Variants in CBY1 observed in about 807,000 individuals in gnomAD.
CBY1 encodes protein chibby homolog 1.
A neutral mutation model predicts 15.6 loss-of-function variants in CBY1; 10 were observed. The observed-to-expected ratio is 0.64, with a 90% confidence interval of 0.40 to 1.09. CBY1 has a LOEUF of 1.09. Among genes scored for constraint, CBY1 ranks in the 50% least tolerant of loss-of-function variants. The pLI is 0.01. For synonymous variants in CBY1, 61 were observed against 63.5 expected, an observed-to-expected ratio of 0.96 and a Z score of 0.19; for missense variants, 150 against 160.5, an observed-to-expected ratio of 0.93 and a Z score of 0.35.
chr22:38,673,598 C>T lies in CBY1; in HGVS notation c.*362C>T. ...GAAGCGGCTGGAGTTCATTCTCTCA[C>T]CCCCTTATGTTGGTGTTTGGCGTGT... On this transcript the variant is annotated 3_prime_UTR_variant, in exon 5 of 5. Coordinates refer to ENST00000216029, the MANE Select transcript of CBY1 (RefSeq NM_015373.4). 8.7e-6 allele frequency: 2 copies of T among 229,478 alleles called. No homozygotes were observed. The highest frequency in any genetic ancestry group is 1.8e-5 in the Non-Finnish European group (2 of 110,686). 14.2% of individuals were successfully genotyped at this position (229,478 alleles called of 1,614,324 possible).
intron 2 of CBY1, chr22:38,670,633 AT>A (rs763941498): frequency 2.4e-6 from 1 of 411,692 alleles, no homozygotes; most frequent in Non-Finnish European, 4.4e-6. Flanking sequence ...GTATAAAATA[AT>A]TCAATTTATA....
chr22:38,665,352 T>C (rs1213210688), intron 1 of CBY1, among the ~76,000 whole-genome samples: 2 of 152,062 alleles, frequency 1.3e-5, no homozygotes, highest in Non-Finnish European at 2.9e-5. Context: ...TAGTCCCAGC[T>C]ACCCATGAGG....
chr22:38,661,094 T>C (rs1450589821), intron 1 of CBY1, among the ~76,000 whole-genome samples: 1 of 152,158 alleles, frequency 6.6e-6, no homozygotes, highest in Non-Finnish European at 1.5e-5. Flanking sequence ...TTTGTCCAAG[T>C]TCTAAAGTGC....
intron 1 of CBY1, chr22:38,667,714 G>T (rs758626603): frequency 7.0e-6 from 2 of 284,056 alleles, no homozygotes; most frequent in Non-Finnish European, 1.3e-5. Context: ...GCAAGTGCAT[G>T]AGACAGACAG....
At chr22:38,671,364 G>A (rs1239436335) in intron 4 of CBY1, 176 bp downstream of exon 4, 1 of 620,202 alleles carries the variant, frequency 1.6e-6, no homozygotes, top group East Asian at 2.7e-5. Context: ...TGTAGAGGCA[G>A]GTGGACCGAC....
chr22:38,673,334 G>C lies in CBY1; in HGVS notation c.*98G>C, dbSNP rs2145790133. 1.3e-6 allele frequency: 1 copy of C among 753,284 alleles called. No individual in the cohort carries two copies. The highest frequency in any genetic ancestry group is 2.6e-5 in the East Asian group (1 of 37,780). 46.7% of individuals were successfully genotyped at this position (753,284 alleles called of 1,614,324 possible). On this transcript the variant is annotated 3_prime_UTR_variant, in exon 5 of 5. Transcript: ENST00000216029. Reference sequence around the variant, plus strand: ...GTCCTGGAAGAGAGTATCATATAATGAGACCCACAGGCACTGGCACCCTTG... The same window carrying C: ...GTCCTGGAAGAGAGTATCATATAATCAGACCCACAGGCACTGGCACCCTTG...
At chr22:38,662,934 A>G (rs966424865) in intron 1 of CBY1, among the ~76,000 whole-genome samples, 1 of 152,064 alleles carries the variant, frequency 6.6e-6, no homozygotes, top group Non-Finnish European at 1.5e-5. Context: ...AGCCTGGCCA[A>G]CATGGCGAAA....
At chr22:38,658,552 C>T (rs2092412175) in intron 1 of CBY1, among the ~76,000 whole-genome samples, 1 of 152,044 alleles carries the variant, frequency 6.6e-6, no homozygotes, top group Non-Finnish European at 1.5e-5. Flanking sequence ...GCTCTGCCTC[C>T]TGGGTTCACA....
intron 1 of CBY1, among the ~76,000 whole-genome samples, chr22:38,658,532 C>G (rs2092412059): frequency 6.6e-6 from 1 of 151,816 alleles, no homozygotes; most frequent in Admixed American, 6.6e-5. Flanking sequence ...GCGATCTCGG[C>G]TCACTGCAAG....
chr22:38,659,269 T>G (rs2092414807), intron 1 of CBY1, among the ~76,000 whole-genome samples: 2 of 150,414 alleles, frequency 1.3e-5, no homozygotes, highest in South Asian at 4.2e-4. Context: ...TTGTTTTTTG[T>G]TTTTTTTTGA....
At chr22:38,669,386 AT>A (rs935268970) in intron 2 of CBY1, among the ~76,000 whole-genome samples, 1 of 152,122 alleles carries the variant, frequency 6.6e-6, no homozygotes, top group Non-Finnish European at 1.5e-5. Context: ...TCTAGAATAG[AT>A]TAATTAAAGA....
At chr22:38,665,955 T>C (rs1268209491) in intron 1 of CBY1, among the ~76,000 whole-genome samples, 1 of 151,578 alleles carries the variant, frequency 6.6e-6, no homozygotes, top group Non-Finnish European at 1.5e-5. Flanking sequence ...AGCAGGGCTC[T>C]GTCTCAAAAA....
intron 1 of CBY1, among the ~76,000 whole-genome samples, chr22:38,664,023 A>G (rs1261253819): frequency 2.0e-5 from 3 of 147,726 alleles, no homozygotes; most frequent in African/African-American, 7.4e-5. Context: ...CTGTGTTTCA[A>G]AAAAAAAAAA....
At chr22:38,669,245 C>G (rs1449808576) in intron 2 of CBY1, among the ~76,000 whole-genome samples, 1 of 152,098 alleles carries the variant, frequency 6.6e-6, no homozygotes, top group Admixed American at 6.5e-5. Flanking sequence ...CACAAATGAC[C>G]CTTGGTGGCC....
chr22:38,664,775 C>A (rs1197063725), intron 1 of CBY1, among the ~76,000 whole-genome samples: 6 of 152,062 alleles, frequency 3.9e-5, no homozygotes, highest in Non-Finnish European at 5.9e-5. Flanking sequence ...AGTTATACCC[C>A]TAAGTATGGA....
rs1049766209 is a variant in CBY1, at chr22:38,656,763, G to A, written c.-39+13G>A. ...TGGGACGCGTCAGGTACGTCTCCGA[G>A]TCCGGCGTCGCCGGCCAGCGCTGCC... On this transcript the variant is annotated intron_variant, in intron 1 of 4. Transcript: ENST00000216029. The A allele has an allele frequency of 6.6e-5, 10 of 152,370 alleles. No homozygotes were observed. Among genetic ancestry groups the A allele is most frequent in the African/African-American group, 2.4e-4 (10 of 41,460 alleles). The allele number at this position is 152,370 out of a possible 1,614,324, so 9.4% of individuals were successfully genotyped here.
At chr22:38,659,249 T>G (rs916980184) in intron 1 of CBY1, among the ~76,000 whole-genome samples, 15 of 151,896 alleles carry the variant, frequency 9.9e-5, no homozygotes, top group Non-Finnish European at 2.1e-4. Context: ...AATTGGTTTT[T>G]TTTGTTTGTT....
intron 2 of CBY1, chr22:38,668,370 A>ATT: frequency 7.3e-6 from 3 of 411,586 alleles, no homozygotes. Flanking sequence ...AAATATCCAA[A>ATT]TTTTTTTTTT....
At position 38,673,706 on chromosome 22, in the gene CBY1, C is replaced by T. The variant is rs2092459673; in HGVS notation, c.*470C>T. The T allele has an allele frequency of 6.5e-6, 1 of 154,838 alleles. No individual in the cohort carries two copies. Among genetic ancestry groups the T allele is most frequent in the Admixed American group, 6.3e-5 (1 of 15,866 alleles). The allele number at this position is 154,838 out of a possible 1,614,324, so 9.6% of individuals were successfully genotyped here. Reference sequence around the variant, plus strand: ...TTAAAGGCAGGCCTCTCTCTTCTTGCCTTTAAAGAATCCTCCTTCCTCACA... The same window carrying T: ...TTAAAGGCAGGCCTCTCTCTTCTTGTCTTTAAAGAATCCTCCTTCCTCACA... On this transcript the variant is annotated 3_prime_UTR_variant, in exon 5 of 5. Transcript: ENST00000216029.
Sources: allele counts gnomAD v4.1 joint callset (sites outside exome capture counted in the v4.1 genomes callset), GRCh38; gene constraint gnomAD v4.1.1; transcripts MANE v1.5; gene names NCBI Gene and HGNC (gene_info 2026-07-23, HGNC 2026-07-21).